Variants in CYP24A1 observed in about 807,000 individuals in gnomAD.
The protein encoded by CYP24A1 is cytochrome P450 family 24 subfamily A member 1.
In CYP24A1, 68 loss-of-function variants were observed where a neutral mutation model predicts 62.4. The ratio of observed to expected loss-of-function variants is 1.09; its 90% CI spans 0.90 to 1.33. The LOEUF (loss-of-function observed/expected upper bound fraction) is 1.33, where lower values mean the gene tolerates loss of function less well. Among genes scored for constraint, CYP24A1 ranks in the 40% most tolerant of loss-of-function variants. CYP24A1 has a pLI of 0.00. For synonymous variants in CYP24A1, 267 were observed against 253.0 expected (o/e 1.06, Z -0.52); for missense variants, 787 against 653.0 (o/e 1.21, Z -2.24).
chr20:54,160,533 A>G (rs2092646540), intron 7 of CYP24A1, among the ~76,000 whole-genome samples: 1 of 152,246 alleles, frequency 6.6e-6, no homozygotes, highest in Non-Finnish European at 1.5e-5. Flanking sequence ...TTTTGGAAGA[A>G]GATGCCTCCA....
chr20:54,144,602 G>A, the CYP24A1 span, among the ~76,000 whole-genome samples: 1 of 149,966 alleles, frequency 6.7e-6, no homozygotes, highest in African/African-American at 2.4e-5. Context: ...TATAATATAT[G>A]TTACATTATC....
chr20:54,172,895 C>T lies in CYP24A1; in HGVS notation c.449+14G>A. The T allele has an allele frequency of 6.2e-7, 1 of 1,613,556 alleles. No individual in the cohort carries two copies. Among genetic ancestry groups the T allele is most frequent in the Non-Finnish European group, 8.5e-7 (1 of 1,180,030 alleles). ...GGTCTGGCCGCATGCCCAGGTCCCT[C>T]GGATTGGACTCACAGGATCAGCAGC... On this transcript the variant is annotated intron_variant, in intron 2 of 11. Coordinates refer to ENST00000216862, the MANE Select transcript of CYP24A1 (RefSeq NM_000782.5).
Position 54,154,722 on chromosome 20 carries a change from G to A in CYP24A1, c.*50C>T, listed in dbSNP as rs2762934. 27,824 of 153,476 alleles carry A rather than the reference G, an allele frequency of 0.18. 2,635 individuals carry two copies. Among genetic ancestry groups the A allele is most frequent in the South Asian group, 0.29 (1,409 of 4,816 alleles). The allele number at this position is 153,476 out of a possible 1,614,324, so 9.5% of individuals were successfully genotyped here. ...TGCCTTGGATCCCAGCACTCAGTCC[G>A]CTTCCCTGAGTTGGATATGATGTTA... On this transcript the variant is annotated 3_prime_UTR_variant, in exon 12 of 12. Coordinates refer to ENST00000216862, the MANE Select transcript of CYP24A1 (RefSeq NM_000782.5).
chr20:54,168,404 C>T (rs911756124), intron 4 of CYP24A1, among the ~76,000 whole-genome samples: 17 of 152,026 alleles, frequency 1.1e-4, no homozygotes, highest in African/African-American at 4.1e-4. Context: ...CTGTTGGACA[C>T]CTGCCTTCTT....
At chr20:54,150,402 C>T (rs113173286), downstream of CYP24A1, among the ~76,000 whole-genome samples, 4 of 142,396 alleles carry the variant, frequency 2.8e-5, no homozygotes, top group Admixed American at 7.0e-5. Context: ...GGCATGATCT[C>T]GGCTCTCTGT....
At chr20:54,159,322 G>A (rs2092641570) in intron 7 of CYP24A1, among the ~76,000 whole-genome samples, 199 bp from the exon 8 acceptor site, 1 of 151,386 alleles carries the variant, frequency 6.6e-6, no homozygotes, top group Non-Finnish European at 1.5e-5. Context: ...ATCAATTAAG[G>A]ATATATTTTA....
intron 7 of CYP24A1, among the ~76,000 whole-genome samples, chr20:54,160,829 C>T (rs1027288675): frequency 2.6e-5 from 4 of 152,154 alleles, no homozygotes; most frequent in African/African-American, 9.7e-5. Context: ...CAGTCTGAGC[C>T]TGTAGGGAAA....
At chr20:54,156,639 T>C (rs2092628948) in intron 11 of CYP24A1, among the ~76,000 whole-genome samples, 1 of 152,224 alleles carries the variant, frequency 6.6e-6, no homozygotes, top group South Asian at 2.1e-4. Context: ...ACTTCTGACC[T>C]ATAGAACTGT....
chr20:54,145,126 A>G, the CYP24A1 span, among the ~76,000 whole-genome samples: 1 of 152,124 alleles, frequency 6.6e-6, no homozygotes. Context: ...TTAGTTGATA[A>G]GTTAACTATT....
At chr20:54,169,809 T>C in intron 3 of CYP24A1, 121 bp from the exon 4 acceptor site, 1 of 1,540,920 alleles carries the variant, frequency 6.5e-7, no homozygotes, top group Non-Finnish European at 8.7e-7. Context: ...CATAATGTTA[T>C]TCATCCTGAA....
At chr20:54,147,603 A>G in the CYP24A1 span, among the ~76,000 whole-genome samples, 3 of 152,214 alleles carry the variant, frequency 2.0e-5, no homozygotes, top group Non-Finnish European at 4.4e-5. Flanking sequence ...ATGTTAGTAA[A>G]TCTTTAAATA....
chr20:54,162,775 AG>A lies in CYP24A1; in HGVS notation c.931del (p.Leu311PhefsTer25), dbSNP rs1379246641. The A allele has an allele frequency of 2.5e-6, 4 of 1,584,334 alleles. No homozygotes were observed. Among genetic ancestry groups the A allele is most frequent in the Non-Finnish European group, 3.5e-6 (4 of 1,153,304 alleles). ...FLCDIYHQNR[L>X]SKKELYAAVT... ...AGCAGCATACAATTCTTTCTTTGAA[AG>A]CCGATTCTGGTGATAAATGTCACAA... On this transcript the variant is annotated frameshift_variant, in exon 7 of 12. Transcript: ENST00000216862. LOFTEE classifies it high-confidence loss of function.
At position 54,173,479 on chromosome 20, in the gene CYP24A1, G is replaced by A. The variant is rs550482750; in HGVS notation, c.101C>T (p.Thr34Met). Residue 34 changes from threonine to methionine, a missense_variant, in exon 1 of 12, where the codon ACG (threonine) becomes ATG (methionine). Transcript: ENST00000216862. This position sits in a 1 kb window ranked among gnomAD's most constrained non-coding sequence, Gnocchi z 7.2. ...PPRLVTSTAY[T>M]SPQPREVPVC... Reference sequence around the variant, plus strand: ...TGGCACCTCTCGCGGCTGAGGGGACGTGTACGCCGTAGATGTCACCAGTCT... The same window carrying A: ...TGGCACCTCTCGCGGCTGAGGGGACATGTACGCCGTAGATGTCACCAGTCT... The A allele has an allele frequency of 6.3e-5, 99 of 1,564,606 alleles. 3 individuals are homozygous for A. Among genetic ancestry groups the A allele is most frequent in the East Asian group, 3.1e-4 (13 of 42,068 alleles).
In CYP24A1 at chr20:54,165,851, C is replaced by A. The variant is rs1325702604; in HGVS notation, c.641-18G>T. ...GCAGATACCTGTCATTTAAAATAAT[C>A]ATCACTTTACACAAACAGCAATGCT... On this transcript the variant is annotated intron_variant, in intron 4 of 11. Coordinates refer to ENST00000216862, the MANE Select transcript of CYP24A1 (RefSeq NM_000782.5). The A allele has an allele frequency of 1.8e-6, 2 of 1,093,320 alleles. No homozygotes were observed. The highest frequency in any genetic ancestry group is 3.1e-5 in the African/African-American group (2 of 65,322). 67.7% of individuals were successfully genotyped at this position (1,093,320 alleles called of 1,614,324 possible). A position where few individuals can be genotyped will look rare whatever the true frequency, so the allele number is the denominator to read the frequency against.
At position 54,173,049 on chromosome 20, in the gene CYP24A1, G is replaced by C; in HGVS notation, c.309C>G (p.Ser103=). The C allele has an allele frequency of 1.2e-6, 2 of 1,608,196 alleles. No homozygotes were observed. The highest frequency in any genetic ancestry group is 1.7e-6 in the Non-Finnish European group (2 of 1,180,016). The part of the protein sequence containing the change: ...YGKIFRMKLG[S]FESVHLGSPC... ...GCGAGCCCAGGTGCACCGACTCAAA[G>C]GAACCCAACTTCATGCGGAAAATCT... Residue 103 remains serine, a synonymous_variant, in exon 2 of 12, where the codon TCC becomes TCG. Coordinates refer to ENST00000216862, the MANE Select transcript of CYP24A1 (RefSeq NM_000782.5). The surrounding 1 kb of genome is among the most constrained non-coding windows in gnomAD (Gnocchi z 7.2).
chr20:54,169,503 C>T, intron 4 of CYP24A1, 89 bp downstream of exon 4: 2 of 1,600,020 alleles, frequency 1.2e-6, no homozygotes, highest in East Asian at 2.3e-5. Flanking sequence ...AGCAATAATG[C>T]CTGTTTACAA....
At chr20:54,162,661 A>G (rs1394340801) in intron 7 of CYP24A1, 56 bp downstream of exon 7, 16 of 1,058,678 alleles carry the variant, frequency 1.5e-5, no homozygotes, top group Non-Finnish European at 2.2e-5. Context: ...AAAATCTGTC[A>G]TCTAAAAATG....
At chr20:54,156,578 C>A (rs2092628668) in intron 11 of CYP24A1, among the ~76,000 whole-genome samples, 1 of 152,208 alleles carries the variant, frequency 6.6e-6, no homozygotes, top group Non-Finnish European at 1.5e-5. Flanking sequence ...CTAGAACCTC[C>A]AGAAAGAGCC....
rs202109000 is a variant in CYP24A1 at position 54,164,525 on chromosome 20, G to A, written c.771C>T (p.Val257=). The A allele has an allele frequency of 2.3e-5, 37 of 1,614,138 alleles. 1 individual carries two copies. In the Admixed American group the frequency reaches 4.0e-4, roughly 17 times the overall value. ...TGGTGTTGAGGCTCTTGTGCAGCTC[G>A]ACTGGAGTGACCATCATCCTCCCAA... The part of the protein sequence containing the change: ...STFGRMMVTP[V]ELHKSLNTKV... Residue 257 remains valine (V), a synonymous_variant, in exon 6 of 12, where the codon GTC becomes GTT. Coordinates refer to ENST00000216862, the MANE Select transcript of CYP24A1 (RefSeq NM_000782.5).
Sources: gnomAD v4.1 joint callset for allele counts (sites outside exome capture counted in the v4.1 genomes callset) on GRCh38, gnomAD v4.1.1 for gene constraint, Gnocchi (gnomAD v3.1) non-coding constraint, MANE v1.5 for transcripts, NCBI Gene and HGNC (gene_info 2026-07-23, HGNC 2026-07-21) for gene names.